Variants in ABI3BP observed in about 807,000 individuals in gnomAD.
The protein encoded by ABI3BP is target of Nesh-SH3.
ABI3BP carries 216 observed loss-of-function variants against 268.6 expected under a neutral mutation model. The observed-to-expected ratio is 0.80, with a 90% CI of 0.72 to 0.90. The LOEUF is 0.90. Ranked by LOEUF, ABI3BP falls within the 40% of genes least tolerant of loss-of-function variation. ABI3BP has a pLI of 0.00. For missense variants in ABI3BP, 2,090 were observed against 2,182.4 expected (o/e 0.96, Z 0.84); for synonymous variants, 730 against 730.0 (o/e 1.00, Z 0.00).
intron 9 of ABI3BP, among the ~76,000 whole-genome samples, chr3:100,874,270 G>C (rs2099139005): frequency 6.6e-6 from 1 of 152,144 alleles, no homozygotes; most frequent in African/African-American, 2.4e-5. Context: ...GAGATTCTCT[G>C]CTAAGATACA....
intron 36 of ABI3BP, 62 bp from the exon 37 acceptor site, chr3:100,823,576 C>A: frequency 7.7e-7 from 1 of 1,295,662 alleles, no homozygotes. Flanking sequence ...AGAACACTCA[C>A]ATGCAAACAA....
intron 2 of ABI3BP, among the ~76,000 whole-genome samples, chr3:100,905,075 G>C (rs1582831890): frequency 1.3e-5 from 2 of 152,304 alleles, no homozygotes; most frequent in African/African-American, 4.8e-5. Flanking sequence ...GGAATACTAT[G>C]CAGCCATAAA....
At chr3:100,870,000 C>T (rs369351204) in intron 9 of ABI3BP, among the ~76,000 whole-genome samples, 2 of 152,086 alleles carry the variant, frequency 1.3e-5, no homozygotes, top group African/African-American at 4.8e-5. Context: ...ACCATGTGTT[C>T]TTAGAACAAG....
intron 51 of ABI3BP, among the ~76,000 whole-genome samples, chr3:100,803,462 T>G (rs1180905330): frequency 6.9e-6 from 1 of 145,702 alleles, no homozygotes; most frequent in African/African-American, 2.4e-5. Flanking sequence ...TTTATGATAG[T>G]AAATTCCAAA....
At chr3:100,834,612 G>T in intron 29 of ABI3BP, 72 bp downstream of exon 29, 3 of 1,393,868 alleles carry the variant, frequency 2.2e-6, no homozygotes, top group East Asian at 2.5e-5. Flanking sequence ...TTATAAAGTG[G>T]CATGTTAAAC....
chr3:100,934,035 A>C (rs906358212), intron 1 of ABI3BP, among the ~76,000 whole-genome samples: 1 of 151,972 alleles, frequency 6.6e-6, no homozygotes. Flanking sequence ...CAGAACGTGC[A>C]TGTTTGTTAC....
At chr3:100,852,608 C>T (rs1009142024) in intron 14 of ABI3BP, among the ~76,000 whole-genome samples, 1 of 152,120 alleles carries the variant, frequency 6.6e-6, no homozygotes, top group African/African-American at 2.4e-5. Context: ...GTGTATTTTC[C>T]TTTCCTTCAG....
Position 100,832,282 on chromosome 3 carries a change from C to T in ABI3BP, c.2383G>A (p.Val795Ile). 3 of 1,535,496 alleles carry T rather than the reference C, an allele frequency of 2.0e-6. No homozygotes were observed. The highest frequency in any genetic ancestry group is 2.6e-6 in the Non-Finnish European group (3 of 1,146,498). The change falls in exon 31 of 68, where the codon GTA (valine) becomes ATA (isoleucine). Residue 795 changes from valine to isoleucine, a missense_variant. Physicochemically the swap from Val to Ile is conservative, Grantham distance 29. Transcript: ENST00000471714. Reference protein sequence around the residue: ...PKPKTTPHPEVPQTKLVPATI... With the variant: ...PKPKTTPHPEIPQTKLVPATI... ...TATTTACCCAGTTTAGTTTGAGGTA[C>T]TTCTGGATGGGGCGTGGTTTTAGGT...
chr3:100,870,252 A>G (rs148959030), intron 9 of ABI3BP, among the ~76,000 whole-genome samples: 13 of 152,320 alleles, frequency 8.5e-5, no homozygotes, highest in African/African-American at 3.1e-4. Context: ...TTGAGAGAAA[A>G]TATTTGCAAA....
intron 43 of ABI3BP, 134 bp from the exon 44 acceptor site, chr3:100,816,105 A>C (rs2098034227): frequency 3.0e-6 from 2 of 667,100 alleles, no homozygotes; most frequent in African/African-American, 1.8e-5. Context: ...GGCAGCATAT[A>C]GTTGCTTTTG....
chr3:100,894,965 A>AAACAAAAAAAAAAAAAAAAAAAC (rs1561385746), intron 4 of ABI3BP, among the ~76,000 whole-genome samples: 1 of 120,768 alleles, frequency 8.3e-6, no homozygotes, highest in East Asian at 2.0e-4. Context: ...AAAAAAAAAA[A>AAACAAAAAAAAAAAAAAAAAAAC]AACAGAAAAA....
chr3:100,837,003 A>T (rs1416681927), intron 27 of ABI3BP, 121 bp downstream of exon 27: 1 of 995,942 alleles, frequency 1.0e-6, no homozygotes, highest in Admixed American at 3.2e-5. Context: ...AATAGTGAAA[A>T]TTTTTAAAAA....
At chr3:100,794,141 C>G (rs539460375) in intron 54 of ABI3BP, among the ~76,000 whole-genome samples, 3 of 152,084 alleles carry the variant, frequency 2.0e-5, no homozygotes, top group African/African-American at 7.2e-5. Flanking sequence ...ATCTGAGAGG[C>G]CTTTCCTTAT....
chr3:100,851,785 A>T, intron 15 of ABI3BP, 90 bp downstream of exon 15: 1 of 1,108,658 alleles, frequency 9.0e-7, no homozygotes, highest in Non-Finnish European at 1.3e-6. Context: ...TCCAGAGGAT[A>T]CAATTTTCCA....
At chr3:100,942,054 T>G (rs1561897542) in intron 1 of ABI3BP, among the ~76,000 whole-genome samples, 1 of 152,104 alleles carries the variant, frequency 6.6e-6, no homozygotes, top group Non-Finnish European at 1.5e-5. Flanking sequence ...CTAAATAAAA[T>G]TTATATTTAC....
intron 1 of ABI3BP, among the ~76,000 whole-genome samples, chr3:100,986,374 A>G (rs1469628820): frequency 1.3e-5 from 2 of 152,192 alleles, no homozygotes; most frequent in African/African-American, 4.8e-5. Flanking sequence ...TGCCCAGCTA[A>G]ACCAGGCTCA....
intron 35 of ABI3BP, 107 bp downstream of exon 35, chr3:100,825,678 A>G (rs2098367923): frequency 2.3e-6 from 2 of 875,902 alleles, no homozygotes; most frequent in Non-Finnish European, 3.6e-6. Context: ...GATGTTTGCT[A>G]TTTTGTAGAG....
intron 2 of ABI3BP, among the ~76,000 whole-genome samples, chr3:100,915,806 C>T (rs891603985): frequency 2.0e-5 from 3 of 152,276 alleles, no homozygotes; most frequent in South Asian, 2.1e-4. Flanking sequence ...CTGACCACAA[C>T]GCTGGGGTTC....
At chr3:100,857,920 C>A (rs1444013821) in intron 14 of ABI3BP, among the ~76,000 whole-genome samples, 1 of 152,174 alleles carries the variant, frequency 6.6e-6, no homozygotes, top group Non-Finnish European at 1.5e-5. Context: ...GAGAAATGAT[C>A]CAACAAGCAG....
Sources: allele counts gnomAD v4.1 joint callset (sites outside exome capture counted in the v4.1 genomes callset), GRCh38; gene constraint gnomAD v4.1.1; transcripts MANE v1.5; gene names NCBI Gene and HGNC (gene_info 2026-07-23, HGNC 2026-07-21).